Variants in APOOL observed in about 807,000 individuals in gnomAD.
APOOL encodes MICOS complex subunit MIC27.
APOOL carries 12 observed loss-of-function variants against 23.1 expected under a neutral mutation model. That is an observed-to-expected ratio of 0.52 (90% CI 0.33 to 0.84). APOOL has a LOEUF of 0.84. APOOL is among the 40% of genes least tolerant of loss of function. The probability of loss-of-function intolerance (pLI) is 0.02; values close to 1 mark genes in which losing one functional copy is unlikely to be tolerated. For missense variants in APOOL, 212 were observed against 199.6 expected, an observed-to-expected ratio of 1.06 and a Z score of -0.37; for synonymous variants, 77 against 69.9, an observed-to-expected ratio of 1.10 and a Z score of -0.51.
At chrX:85,039,705 A>T (rs1922345702) in intron 1 of APOOL, among the ~76,000 whole-genome samples, 1 of 111,224 alleles carries the variant, frequency 9.0e-6, no homozygotes, top group Admixed American at 9.6e-5. Context: ...TTTTTGTGTG[A>T]AATTAGATTA....
At chrX:85,037,314 G>A (rs1055803202) in intron 1 of APOOL, among the ~76,000 whole-genome samples, 9 of 111,323 alleles carry the variant, frequency 8.1e-5, no homozygotes, top group African/African-American at 1.6e-4. Flanking sequence ...TCATCAGGGC[G>A]GTTTCCCCCA....
chrX:85,084,486 C>A (rs1285126993), intron 8 of APOOL, among the ~76,000 whole-genome samples: 1 of 109,176 alleles, frequency 9.2e-6, no homozygotes, highest in Admixed American at 9.9e-5. Context: ...CTAAGTGGTT[C>A]TAAACCAGAG....
At position 85,090,454 on chromosome X, in the gene APOOL, T is replaced by A. The variant is rs1215633587; in HGVS notation, c.*2776T>A. 4.5e-5 allele frequency: 5 copies of A among 111,466 alleles called. No individual in the cohort carries two copies. The highest frequency in any genetic ancestry group is 9.4e-5 in the Non-Finnish European group (5 of 53,098). The allele number at this position is 111,466 out of a possible 1,213,427, so 9.2% of individuals were successfully genotyped here. A position where few individuals can be genotyped will look rare whatever the true frequency, so the allele number is the denominator to read the frequency against. On this transcript the variant is annotated 3_prime_UTR_variant, in exon 9 of 9. Transcript: ENST00000373173. ...ATTTGTCTATTATGATATAGTTGTCTTGACAACTATAATGAATAGCTGTCT... is the reference window on the plus strand; with the variant it reads ...ATTTGTCTATTATGATATAGTTGTCATGACAACTATAATGAATAGCTGTCT...
intron 8 of APOOL, among the ~76,000 whole-genome samples, chrX:85,080,067 G>T (rs59508456): frequency 1.8e-5 from 2 of 111,380 alleles, no homozygotes; most frequent in African/African-American, 6.5e-5. Context: ...ATTTTTTGAA[G>T]GGTTTTTTGT....
At chrX:85,086,666 T>G (rs1006025688) in intron 8 of APOOL, among the ~76,000 whole-genome samples, 1 of 111,619 alleles carries the variant, frequency 9.0e-6, no homozygotes, top group Non-Finnish European at 1.9e-5. Context: ...TTCTATCCCT[T>G]GTTTCCCTAT....
chrX:85,070,237 A>C (rs779258174), intron 6 of APOOL, among the ~76,000 whole-genome samples: 2 of 111,703 alleles, frequency 1.8e-5, no homozygotes, highest in Non-Finnish European at 3.8e-5. Context: ...TCTGAAGGAA[A>C]GGGCCTATAG....
chrX:85,016,662 C>G (rs368049717), intron 1 of APOOL, among the ~76,000 whole-genome samples: 1 of 110,826 alleles, frequency 9.0e-6, no homozygotes, highest in African/African-American at 3.3e-5. Context: ...AGTGGAGTGC[C>G]GGGGGGTACA....
chrX:85,010,511 A>T (rs2147470882), intron 1 of APOOL, among the ~76,000 whole-genome samples: 1 of 111,082 alleles, frequency 9.0e-6, no homozygotes, highest in East Asian at 2.8e-4. Flanking sequence ...CCCTCCCAGT[A>T]TTCCCAAGTC....
intron 1 of APOOL, among the ~76,000 whole-genome samples, chrX:85,044,143 A>G (rs1251633354): frequency 9.0e-6 from 1 of 111,297 alleles, no homozygotes; most frequent in African/African-American, 3.3e-5. Context: ...TTTCAATTTA[A>G]ATAACCACAT....
At chrX:85,006,590 A>G (rs1318707124) in intron 1 of APOOL, among the ~76,000 whole-genome samples, 1 of 109,977 alleles carries the variant, frequency 9.1e-6, no homozygotes, top group Admixed American at 9.7e-5. Flanking sequence ...AAAACAGGAG[A>G]CAGAAGACTT....
Position 85,092,710 on chromosome X carries a change from A to C in APOOL, c.*5032A>C. 1 of 516,740 alleles carries C rather than the reference A, an allele frequency of 1.9e-6. No homozygotes were observed. Among genetic ancestry groups the C allele is most frequent in the Non-Finnish European group, 2.9e-6 (1 of 339,020 alleles). The allele number at this position is 516,740 out of a possible 1,213,427, so 42.6% of individuals were successfully genotyped here. ...GTAGTTACCTTTTGAACTTTTCTAT[A>C]GCTGTAAAAAGAAAAAAGTCTCACT... On this transcript the variant is annotated 3_prime_UTR_variant, in exon 9 of 9. Transcript: ENST00000373173.
At chrX:85,022,608 A>G (rs1183828650) in intron 1 of APOOL, among the ~76,000 whole-genome samples, 1 of 101,513 alleles carries the variant, frequency 9.9e-6, no homozygotes, top group Non-Finnish European at 2.0e-5. Context: ...GCCATGTATA[A>G]GAATCCTACA....
At chrX:85,023,150 T>G (rs763382802) in intron 1 of APOOL, among the ~76,000 whole-genome samples, 86 of 111,790 alleles carry the variant, frequency 7.7e-4, no homozygotes, top group Non-Finnish European at 1.2e-3. Context: ...AGACCCTGTT[T>G]GAAACAACAT....
At chrX:85,045,449 A>T (rs988973541) in intron 1 of APOOL, among the ~76,000 whole-genome samples, 4 of 111,915 alleles carry the variant, frequency 3.6e-5, no homozygotes, top group Non-Finnish European at 7.5e-5. Context: ...TATCACTGTC[A>T]TTGGAGAACA....
chrX:85,079,446 A>T (rs780856918), intron 8 of APOOL, among the ~76,000 whole-genome samples: 2 of 111,204 alleles, frequency 1.8e-5, no homozygotes, highest in Admixed American at 1.9e-4. Context: ...AAGCCGACTT[A>T]ATTGTGGTGG....
In APOOL at chrX:85,092,530, T is replaced by G. The variant is rs757954678; in HGVS notation, c.*4852T>G. On this transcript the variant is annotated 3_prime_UTR_variant, in exon 9 of 9. Transcript: ENST00000373173. ...CTGGTTCCAAATGACGACAAGAAAGTGCATGCAGTTACATTGAGTTGTGAT... is the reference window on the plus strand; with the variant it reads ...CTGGTTCCAAATGACGACAAGAAAGGGCATGCAGTTACATTGAGTTGTGAT... The G allele has an allele frequency of 1.7e-6, 2 of 1,209,755 alleles. No individual in the cohort carries two copies. Among genetic ancestry groups the G allele is most frequent in the East Asian group, 5.9e-5 (2 of 33,819 alleles).
At chrX:85,040,652 TCTTC>T (rs1316098329) in intron 1 of APOOL, among the ~76,000 whole-genome samples, 1 of 111,830 alleles carries the variant, frequency 8.9e-6, no homozygotes, top group Non-Finnish European at 1.9e-5. Context: ...AAGCTCAGAT[TCTTC>T]CCTCAGGTTG....
intron 2 of APOOL, among the ~76,000 whole-genome samples, 180 bp from the exon 3 acceptor site, chrX:85,051,209 G>A (rs191158003): frequency 2.7e-3 from 297 of 111,241 alleles, no homozygotes; most frequent in African/African-American, 9.1e-3. Flanking sequence ...GGTTTTAAAC[G>A]GTCTTTATAA....
rs968363252 is a variant in APOOL, at chrX:85,045,195, T to C, written c.16-1251T>C. On this transcript the variant is annotated intron_variant, in intron 1 of 8. Transcript: ENST00000373173. ...AATTGATGTCTTTAAGGGATGCATG[T>C]GCAGATAAATCATTCTGTGATGCTG... Among the ~76,000 whole-genome samples the C allele has an allele frequency of 8.1e-5, 9 of 111,593 alleles. No individual in the cohort carries two copies. In the Admixed American group the frequency reaches 8.6e-4, roughly 11 times the overall value.
Sources: gnomAD v4.1 joint callset for allele counts (sites outside exome capture counted in the v4.1 genomes callset) on GRCh38, gnomAD v4.1.1 for gene constraint, MANE v1.5 for transcripts, NCBI Gene and HGNC (gene_info 2026-07-23, HGNC 2026-07-21) for gene names.